CDK17: variants seen among roughly 807,000 people sequenced by gnomAD.
The protein encoded by CDK17 is cyclin dependent kinase 17.
Under a neutral mutation model 77.6 loss-of-function variants are expected in CDK17, and 24 were observed. That is an observed-to-expected ratio of 0.31 (90% CI 0.22 to 0.44). The LOEUF (loss-of-function observed/expected upper bound fraction) is 0.44, where lower values mean the gene tolerates loss of function less well. Ranked by LOEUF, CDK17 falls within the 20% of genes least tolerant of loss-of-function variation. The pLI is 1.00. For missense variants in CDK17, 429 were observed against 622.5 expected, an observed-to-expected ratio of 0.69 and a Z score of 3.31; for synonymous variants, 203 against 210.4, an observed-to-expected ratio of 0.96 and a Z score of 0.30.
In CDK17 at chr12:96,279,288, C is replaced by G. The variant is rs1036652954; in HGVS notation, c.*954G>C. The G allele has an allele frequency of 6.6e-6, 1 of 152,176 alleles. No homozygotes were observed. Among genetic ancestry groups the G allele is most frequent in the Non-Finnish European group, 1.5e-5 (1 of 68,008 alleles). 9.4% of individuals were successfully genotyped at this position (152,176 alleles called of 1,614,324 possible). A position where few individuals can be genotyped will look rare whatever the true frequency, so the allele number is the denominator to read the frequency against. On this transcript the variant is annotated 3_prime_UTR_variant, in exon 17 of 17. Transcript: ENST00000261211. ...TTCAAAGACATATTACAGCTTTCAG[C>G]TGATTCCAAGTGAATGTTATTGAAA...
chr12:96,281,743 A>G (rs1384385977), intron 15 of CDK17: 1 of 152,222 alleles, frequency 6.6e-6, no homozygotes, highest in African/African-American at 2.4e-5. Flanking sequence ...GTATTCTTTC[A>G]TTTAAATATA....
intron 3 of CDK17, among the ~76,000 whole-genome samples, chr12:96,321,956 T>C (rs1335267441): frequency 6.7e-6 from 1 of 150,232 alleles, no homozygotes; most frequent in African/African-American, 2.5e-5. Flanking sequence ...ACTTAAAGTA[T>C]AATAAAAAAA....
intron 1 of CDK17, among the ~76,000 whole-genome samples, chr12:96,374,301 TG>T (rs1285005171): frequency 6.6e-6 from 1 of 152,230 alleles, no homozygotes; most frequent in Non-Finnish European, 1.5e-5. Flanking sequence ...TGAATAGTTC[TG>T]TGAACAGCCG....
At chr12:96,363,202 G>C (rs1290350657) in intron 1 of CDK17, among the ~76,000 whole-genome samples, 4 of 152,164 alleles carry the variant, frequency 2.6e-5, no homozygotes, top group Non-Finnish European at 5.9e-5. Context: ...TGTAATCCCA[G>C]CACTTTGGGA....
chr12:96,314,725 T>TACACG (rs1303531730), intron 3 of CDK17, among the ~76,000 whole-genome samples: 1 of 152,220 alleles, frequency 6.6e-6, no homozygotes, highest in Admixed American at 6.5e-5. Context: ...CTTGCCACTA[T>TACACG]TACTTTCTAT....
intron 2 of CDK17, among the ~76,000 whole-genome samples, chr12:96,327,849 A>G (rs1232988362): frequency 6.6e-6 from 1 of 152,122 alleles, no homozygotes; most frequent in Admixed American, 6.6e-5. Context: ...GCCTAGCCCC[A>G]AAATATTTTT....
intron 1 of CDK17, among the ~76,000 whole-genome samples, chr12:96,345,575 G>A (rs1038245067): frequency 3.3e-5 from 5 of 151,928 alleles, no homozygotes; most frequent in Admixed American, 3.3e-4. Context: ...ATCTTAAAAG[G>A]TAAAAAAAAT....
At chr12:96,280,575 T>C (rs1952164040) in intron 16 of CDK17, 2 of 1,415,236 alleles carry the variant, frequency 1.4e-6, no homozygotes, top group Non-Finnish European at 1.8e-6. Flanking sequence ...TTGTGCCATC[T>C]GCAGCTTTCA....
At chr12:96,315,153 ATG>A (rs1952693947) in intron 3 of CDK17, among the ~76,000 whole-genome samples, 1 of 152,236 alleles carries the variant, frequency 6.6e-6, no homozygotes, top group South Asian at 2.1e-4. Context: ...TAAAATATCA[ATG>A]TGTGAGACAA....
At position 96,377,780 on chromosome 12, in the gene CDK17, C is replaced by G. The variant is rs1030160166; in HGVS notation, c.-30+22206G>C. Among the ~76,000 whole-genome samples, 8 of 151,102 alleles carry G rather than the reference C, an allele frequency of 5.3e-5. No individual in the cohort carries two copies. The South Asian group carries it at 8.4e-4, about 16-fold the overall frequency. Reference sequence around the variant, plus strand: ...GCGATCTCGGCTCACTGCAAGCTCCCCCTCCCGGGTTCACGCCATTCTCCT... The same window carrying G: ...GCGATCTCGGCTCACTGCAAGCTCCGCCTCCCGGGTTCACGCCATTCTCCT... On this transcript the variant is annotated intron_variant, in intron 1 of 16. Coordinates refer to ENST00000261211, the MANE Select transcript of CDK17 (RefSeq NM_002595.5).
intron 1 of CDK17, among the ~76,000 whole-genome samples, chr12:96,341,623 G>C (rs1263002549): frequency 6.6e-6 from 1 of 152,042 alleles, no homozygotes; most frequent in Admixed American, 6.6e-5. Flanking sequence ...TACAATTAAG[G>C]AAAGGTAAGA....
chr12:96,380,344 C>T (rs1188347411), intron 1 of CDK17, among the ~76,000 whole-genome samples: 23 of 146,974 alleles, frequency 1.6e-4, no homozygotes, highest in African/African-American at 4.8e-4. Context: ...TGCAATGGTG[C>T]GATCTCAGCT....
intron 1 of CDK17, among the ~76,000 whole-genome samples, chr12:96,398,763 C>G (rs1348706462): frequency 6.6e-6 from 1 of 152,142 alleles, no homozygotes; most frequent in Non-Finnish European, 1.5e-5. Context: ...GGCCAAGTCT[C>G]AAAACAAAAT....
intron 1 of CDK17, among the ~76,000 whole-genome samples, chr12:96,357,880 A>G (rs915070122): frequency 2.0e-5 from 3 of 152,246 alleles, no homozygotes; most frequent in African/African-American, 7.2e-5. Context: ...AAATAGTCAC[A>G]GCAACATGTC....
At chr12:96,338,591 A>G (rs1953079392) in intron 1 of CDK17, among the ~76,000 whole-genome samples, 4 of 152,110 alleles carry the variant, frequency 2.6e-5, no homozygotes. Flanking sequence ...GAGTTTTGCC[A>G]TGTTGACCAG....
intron 1 of CDK17, among the ~76,000 whole-genome samples, chr12:96,380,027 T>C (rs1010975339): frequency 6.6e-6 from 1 of 151,448 alleles, no homozygotes; most frequent in Admixed American, 6.6e-5. Flanking sequence ...AAATTAGCTG[T>C]GCATGGTGGC....
In CDK17 at chr12:96,297,324, G is replaced by A; in HGVS notation, c.819C>T (p.Asp273=). 6.2e-7 allele frequency: 1 copy of A among 1,607,174 alleles called. No individual in the cohort carries two copies. Among genetic ancestry groups the A allele is most frequent in the Non-Finnish European group, 8.5e-7 (1 of 1,174,832 alleles). The part of the protein sequence containing the change: ...LTLVFEYLDK[D]LKQYMDDCGN... The stretch of plus-strand genomic sequence containing the variant: ...CACAGTCATCCATGTACTGTTTCAG[G>A]TCTTTATCCTGGAAAAACACAGCAC... Residue 273 remains aspartate (D), a synonymous_variant, in exon 9 of 17, where the codon GAC becomes GAT. Transcript: ENST00000261211.
chr12:96,283,543 A>T, intron 14 of CDK17, 60 bp downstream of exon 14: 1 of 979,282 alleles, frequency 1.0e-6, no homozygotes, highest in Non-Finnish European at 1.6e-6. Flanking sequence ...AGCCCATTCT[A>T]CACATGAAGA....
At chr12:96,345,032 T>C (rs1477123110) in intron 1 of CDK17, among the ~76,000 whole-genome samples, 1 of 152,216 alleles carries the variant, frequency 6.6e-6, no homozygotes, top group East Asian at 1.9e-4. Flanking sequence ...CCTGTTTCCA[T>C]ATGTTCTCAC....
Sources: allele counts gnomAD v4.1 joint callset (sites outside exome capture counted in the v4.1 genomes callset), GRCh38; gene constraint gnomAD v4.1.1; transcripts MANE v1.5; gene names NCBI Gene and HGNC (gene_info 2026-07-23, HGNC 2026-07-21).